SPIDR: variants seen among roughly 807,000 people sequenced by gnomAD.
SPIDR encodes scaffold protein involved in DNA repair.
SPIDR carries 93 observed loss-of-function variants against 104.6 expected under a neutral mutation model. The ratio of observed to expected loss-of-function variants is 0.89; its 90% confidence interval spans 0.75 to 1.06. SPIDR has a LOEUF of 1.06. Among genes scored for constraint, SPIDR ranks in the 50% least tolerant of loss-of-function variants. The probability of loss-of-function intolerance (pLI) is 0.00; values close to 1 mark genes in which losing one functional copy is unlikely to be tolerated. For synonymous variants in SPIDR, 431 were observed against 416.9 expected, an observed-to-expected ratio of 1.03 and a Z score of -0.41; for missense variants, 1,154 against 1,111.2, an observed-to-expected ratio of 1.04 and a Z score of -0.55.
intron 6 of SPIDR, 56 bp downstream of exon 6, chr8:47,396,682 C>T: frequency 6.8e-7 from 1 of 1,476,186 alleles, no homozygotes; most frequent in Non-Finnish European, 9.2e-7. Flanking sequence ...CTTTAAAAAC[C>T]CAAATATCTA....
At chr8:47,570,648 A>G (rs1270312284) in intron 8 of SPIDR, among the ~76,000 whole-genome samples, 2 of 152,232 alleles carry the variant, frequency 1.3e-5, no homozygotes, top group Non-Finnish European at 2.9e-5. Flanking sequence ...GAGTATATGC[A>G]GATCATATAT....
chr8:47,428,699 A>G (rs1367515663), intron 7 of SPIDR, among the ~76,000 whole-genome samples: 2 of 152,330 alleles, frequency 1.3e-5, no homozygotes, highest in Non-Finnish European at 1.5e-5. Flanking sequence ...CATCTTTTAA[A>G]AAGTCATTTA....
chr8:47,586,014 C>T (rs751408858), intron 8 of SPIDR, among the ~76,000 whole-genome samples: 1 of 152,146 alleles, frequency 6.6e-6, no homozygotes, highest in Non-Finnish European at 1.5e-5. Context: ...TGGCTTTTTT[C>T]ACTTAGCATC....
intron 6 of SPIDR, among the ~76,000 whole-genome samples, chr8:47,402,469 G>A (rs1440434121): frequency 6.6e-6 from 1 of 152,070 alleles, no homozygotes; most frequent in Admixed American, 6.6e-5. Context: ...GACTAATAAA[G>A]AAGAAAAGAG....
intron 7 of SPIDR, among the ~76,000 whole-genome samples, chr8:47,423,486 C>G (rs1428595360): frequency 6.6e-6 from 1 of 151,934 alleles, no homozygotes; most frequent in Admixed American, 6.6e-5. Flanking sequence ...CCTACAATCC[C>G]AGCTATTCTG....
intron 5 of SPIDR, among the ~76,000 whole-genome samples, chr8:47,299,887 A>C (rs1247187344): frequency 1.3e-5 from 2 of 152,162 alleles, no homozygotes; most frequent in Non-Finnish European, 2.9e-5. Flanking sequence ...ATCGATGTTC[A>C]TCAGGGATAT....
intron 8 of SPIDR, among the ~76,000 whole-genome samples, chr8:47,536,135 G>A (rs1359495031): frequency 6.6e-6 from 1 of 151,868 alleles, no homozygotes; most frequent in Non-Finnish European, 1.5e-5. Flanking sequence ...ACAAAATTCT[G>A]ATGAAGAAAT....
intron 8 of SPIDR, among the ~76,000 whole-genome samples, chr8:47,525,568 G>C (rs1246288158): frequency 6.6e-6 from 1 of 151,948 alleles, no homozygotes; most frequent in African/African-American, 2.4e-5. Flanking sequence ...TGGGAGGCCA[G>C]GGTGGGCGGA....
intron 8 of SPIDR, chr8:47,592,554 G>A (rs529753964): frequency 7.6e-7 from 1 of 1,318,302 alleles, no homozygotes; most frequent in Non-Finnish European, 1.1e-6. Flanking sequence ...CCAGGAACTG[G>A]TTCTGCCAGC....
At chr8:47,594,634 C>T (rs1273936839) in intron 8 of SPIDR, among the ~76,000 whole-genome samples, 1 of 152,112 alleles carries the variant, frequency 6.6e-6, no homozygotes, top group African/African-American at 2.4e-5. Flanking sequence ...AGCTTTTTGT[C>T]AGCACATGTT....
chr8:47,547,233 C>T (rs2154395354), intron 8 of SPIDR: 1 of 633,456 alleles, frequency 1.6e-6, no homozygotes, highest in Non-Finnish European at 3.0e-6. Flanking sequence ...ACAACTTGTA[C>T]TTGGGCTCCT....
At chr8:47,459,331 G>A (rs1219951332) in intron 8 of SPIDR, among the ~76,000 whole-genome samples, 8 of 152,008 alleles carry the variant, frequency 5.3e-5, no homozygotes, top group Non-Finnish European at 1.0e-4. Context: ...TTATTGGTCT[G>A]TTCAGGGTTT....
intron 8 of SPIDR, among the ~76,000 whole-genome samples, chr8:47,504,124 C>A (rs1019238616): frequency 6.6e-6 from 1 of 152,160 alleles, no homozygotes; most frequent in Non-Finnish European, 1.5e-5. Flanking sequence ...TGGAGTTGCT[C>A]TTCTCGAGGA....
chr8:47,297,868 T>A (rs1418096179), intron 5 of SPIDR, among the ~76,000 whole-genome samples: 2 of 152,220 alleles, frequency 1.3e-5, no homozygotes, highest in African/African-American at 4.8e-5. Context: ...TGTTGGACAT[T>A]TGGGTTGCTT....
chr8:47,296,559 A>C (rs2040875266), intron 5 of SPIDR, among the ~76,000 whole-genome samples: 1 of 152,172 alleles, frequency 6.6e-6, no homozygotes, highest in African/African-American at 2.4e-5. Context: ...GTTTGTTGTA[A>C]ATAATTGACC....
intron 11 of SPIDR, among the ~76,000 whole-genome samples, chr8:47,684,844 A>G (rs900596559): frequency 5.9e-5 from 9 of 152,242 alleles, no homozygotes; most frequent in Non-Finnish European, 1.3e-4. Context: ...ATTGCTAGGC[A>G]TTGTCAATTA....
chr8:47,692,981 G>A (rs1236266928), intron 11 of SPIDR, among the ~76,000 whole-genome samples: 2 of 152,186 alleles, frequency 1.3e-5, no homozygotes, highest in African/African-American at 2.4e-5. Flanking sequence ...TTTCCAGAGC[G>A]ATGGCCTCAT....
At chr8:47,435,731 C>G (rs1166128138) in intron 7 of SPIDR, among the ~76,000 whole-genome samples, 2 of 152,210 alleles carry the variant, frequency 1.3e-5, no homozygotes, top group Admixed American at 6.5e-5. Context: ...CAATAGGCCT[C>G]AGAGTCCGTT....
At chr8:47,621,607 C>G (rs1032124167) in intron 10 of SPIDR, among the ~76,000 whole-genome samples, 1 of 152,218 alleles carries the variant, frequency 6.6e-6, no homozygotes, top group Non-Finnish European at 1.5e-5. Flanking sequence ...TCAGTGCCGT[C>G]TGGCACAGAG....
Sources: gnomAD v4.1 joint callset for allele counts (sites outside exome capture counted in the v4.1 genomes callset) on GRCh38, gnomAD v4.1.1 for gene constraint, MANE v1.5 for transcripts, NCBI Gene and HGNC (gene_info 2026-07-23, HGNC 2026-07-21) for gene names.